ZDHHC24: variants seen among roughly 807,000 people sequenced by gnomAD.
ZDHHC24 encodes probable palmitoyltransferase ZDHHC24.
A neutral mutation model predicts 23.2 loss-of-function variants in ZDHHC24; 17 were observed. That is an observed-to-expected ratio of 0.73 (90% CI 0.50 to 1.10). ZDHHC24 has a LOEUF of 1.10. Ranked by LOEUF, ZDHHC24 falls within the 50% of genes least tolerant of loss-of-function variation. The pLI is 0.00. For synonymous variants in ZDHHC24, 186 were observed against 194.5 expected (o/e 0.96, Z 0.36); for missense variants, 366 against 393.0 (o/e 0.93, Z 0.58).
rs554414555 is a variant in ZDHHC24, at chr11:66,539,693, C to G, written c.691G>C (p.Ala231Pro). 4 of 1,611,836 alleles carry G rather than the reference C, an allele frequency of 2.5e-6. No homozygotes were observed. In the Admixed American group the frequency reaches 5.0e-5, roughly 20 times the overall value. ...AGGTCATAGGAGTGCTGGCCCCGAG[C>G]CCACTCCCATGTGGTCTGGCCCCGC... ...LLRGQTTWEW[A>P]RGQHSYDLGP... The change falls in exon 3 of 3, where the codon GCT (alanine) becomes CCT (proline). Residue 231 changes from alanine (A) to proline (P), a missense_variant. Coordinates refer to ENST00000310442, the MANE Select transcript of ZDHHC24 (RefSeq NM_207340.3).
exon 5 of ZDHHC24, chr11:66,521,427 G>A: frequency 1.4e-6 from 2 of 1,461,758 alleles, no homozygotes; most frequent in South Asian, 1.1e-5. Context: ...CAGAAAACTG[G>A]TGGCTTCAGA....
chr11:66,540,188 CAGAT>C (rs779321934), intron 2 of ZDHHC24, among the ~76,000 whole-genome samples: 3 of 152,048 alleles, frequency 2.0e-5, no homozygotes, highest in Non-Finnish European at 2.9e-5. Context: ...GGGGGCGAAG[CAGAT>C]AGATCACCTG....
downstream of ZDHHC24, among the ~76,000 whole-genome samples, chr11:66,534,635 C>CA (rs1163464476): frequency 8.6e-5 from 13 of 151,178 alleles, no homozygotes; most frequent in East Asian, 5.8e-4. Flanking sequence ...CTGTCCCTAC[C>CA]AAAAAAAATA....
chr11:66,532,541 G>C (rs1856830564), downstream of ZDHHC24: 1 of 161,954 alleles, frequency 6.2e-6, no homozygotes, highest in Admixed American at 5.7e-5. Context: ...CTCAGCTTGC[G>C]GGCAAAATAC....
Position 66,539,593 on chromosome 11 carries a change from G to A in ZDHHC24, c.791C>T (p.Ser264Phe). ...GGTGATCCCATCCCCAGGCAATGGG[G>A]AGGCCAGGAAGGGCCAGAGCCAGAC... ...ALVWLWPFLA[S>F]PLPGDGITFQ... The change falls in exon 3 of 3, where the codon TCC becomes TTC. Residue 264 changes from serine to phenylalanine, a missense_variant. By Grantham distance (155) the Ser-to-Phe change is radical. Transcript: ENST00000310442. 12 of 1,611,888 alleles carry A rather than the reference G, an allele frequency of 7.4e-6. No homozygotes were observed. Among genetic ancestry groups the A allele is most frequent in the African/African-American group, 5.3e-5 (4 of 75,006 alleles).
Position 66,539,803 on chromosome 11 carries a change from A to G in ZDHHC24, c.581T>C (p.Phe194Ser), listed in dbSNP as rs1857095928. Reference sequence around the variant, plus strand: ...CGTGTCCGTCACGAAGGCCAAGGCAAACTGTGCCAGAGACACTCTGCCTGC... The same window carrying G: ...CGTGTCCGTCACGAAGGCCAAGGCAGACTGTGCCAGAGACACTCTGCCTGC... The part of the protein sequence containing the change: ...LLTGRVSLAQ[F>S]ALAFVTDTCV... Residue 194 changes from phenylalanine to serine, a missense_variant, in exon 3 of 3, where the codon TTT (phenylalanine) becomes TCT (serine). Coordinates refer to ENST00000310442, the MANE Select transcript of ZDHHC24 (RefSeq NM_207340.3). The G allele has an allele frequency of 6.2e-7, 1 of 1,609,266 alleles. No individual in the cohort carries two copies.
At chr11:66,543,594 G>A in intron 2 of ZDHHC24, 110 bp downstream of exon 2, 1 of 1,374,332 alleles carries the variant, frequency 7.3e-7, no homozygotes, top group Non-Finnish European at 9.7e-7. Context: ...CACTGACACT[G>A]GGGCTGGGTC....
chr11:66,526,714 G>T lies in ZDHHC24; in HGVS notation c.*21+222C>A, dbSNP rs202201758. The T allele has an allele frequency of 4.2e-5, 67 of 1,614,016 alleles. No homozygotes were observed. The highest frequency in any genetic ancestry group is 5.6e-5 in the Non-Finnish European group (66 of 1,180,038). On this transcript the variant is annotated intron_variant, in intron 4 of 4. Transcript: ENST00000526986. ...GTTTGTAGAGGGAGGAAGTGAGGTG[G>T]GTCCCCCACCAGCCCAGGCCATGAA...
intron 4 of ZDHHC24, chr11:66,523,166 T>C: frequency 1.8e-6 from 1 of 547,818 alleles, no homozygotes; most frequent in Non-Finnish European, 3.5e-6. Flanking sequence ...CTCTGTTAAA[T>C]GCTAGATGAT....
In ZDHHC24 at chr11:66,539,755, C is replaced by T. The variant is rs201397847; in HGVS notation, c.629G>A (p.Cys210Tyr). The T allele has an allele frequency of 2.4e-5, 39 of 1,612,906 alleles. No homozygotes were observed. The highest frequency in any genetic ancestry group is 3.1e-5 in the Non-Finnish European group (37 of 1,179,666). The change falls in exon 3 of 3, where the codon TGC becomes TAC. Residue 210 changes from cysteine to tyrosine, a missense_variant. By Grantham distance (194) the Cys-to-Tyr change is radical. Transcript: ENST00000310442. ...TDTCVAGALL[C>Y]GAGLLFHGML... ...CCCATGGAAGAGCAGCCCAGCCCCG[C>T]ACAGCAGCGCACCCGCCACGCACGT...
chr11:66,521,099 T>C, exon 5 of ZDHHC24: 1 of 673,038 alleles, frequency 1.5e-6, no homozygotes. Context: ...TAAAAGGCTT[T>C]TGCTAAATGT....
rs183904222 is a variant in ZDHHC24, at chr11:66,545,619, A to C, written c.281+104T>G. 2 of 1,296,994 alleles carry C rather than the reference A, an allele frequency of 1.5e-6. No homozygotes were observed. The highest frequency in any genetic ancestry group is 1.6e-5 in the South Asian group (1 of 61,098). The allele number at this position is 1,296,994 out of a possible 1,614,324, so 80.3% of individuals were successfully genotyped here. A position where few individuals can be genotyped will look rare whatever the true frequency, so the allele number is the denominator to read the frequency against. On this transcript the variant is annotated intron_variant, in intron 1 of 2. Coordinates refer to ENST00000310442, the MANE Select transcript of ZDHHC24 (RefSeq NM_207340.3). The surrounding 1 kb of genome is among the most constrained non-coding windows in gnomAD (Gnocchi z 4.5). Reference sequence around the variant, plus strand: ...TCTAAAAAAATGTCTGATTCTAACAACCTGGATCCTAATGTAACCCGGTTC... The same window carrying C: ...TCTAAAAAAATGTCTGATTCTAACACCCTGGATCCTAATGTAACCCGGTTC...
chr11:66,543,723 G>C lies in ZDHHC24; in HGVS notation c.540C>G (p.Pro180=). ...CCCCACCTGTGAGCAACATGAGCCA[G>C]GGAAGCAGGAGGAGGGCAGCCATGT... ...PLHMAALLLL[P]WLMLLTGRVS... Residue 180 remains proline, a synonymous_variant, in exon 2 of 3, where the codon CCC becomes CCG. Coordinates refer to ENST00000310442, the MANE Select transcript of ZDHHC24 (RefSeq NM_207340.3). 2 of 1,593,428 alleles carry C rather than the reference G, an allele frequency of 1.3e-6. No homozygotes were observed. Among genetic ancestry groups the C allele is most frequent in the Non-Finnish European group, 1.7e-6 (2 of 1,170,292 alleles).
At chr11:66,540,319 T>TG (rs572822649) in intron 2 of ZDHHC24, among the ~76,000 whole-genome samples, 10 of 144,350 alleles carry the variant, frequency 6.9e-5, no homozygotes, top group African/African-American at 2.3e-4. Context: ...CTCAGGAGGC[T>TG]GGGGGGCTCA....
exon 5 of ZDHHC24, chr11:66,521,259 C>A: frequency 6.2e-7 from 1 of 1,610,758 alleles, no homozygotes; most frequent in East Asian, 2.2e-5. Context: ...GTTTGCGCTT[C>A]TTGTTTGCAG....
chr11:66,524,919 G>C (rs1322578153), intron 4 of ZDHHC24, among the ~76,000 whole-genome samples: 1 of 152,004 alleles, frequency 6.6e-6, no homozygotes, highest in Non-Finnish European at 1.5e-5. Flanking sequence ...GCCGGGTATG[G>C]GCCGGGCACG....
rs980258984 is a variant in ZDHHC24, at chr11:66,535,731, A to G, written c.*3798T>C. Among the ~76,000 whole-genome samples, 2 of 152,190 alleles carry G rather than the reference A, an allele frequency of 1.3e-5. No individual in the cohort carries two copies. Among genetic ancestry groups the G allele is most frequent in the Non-Finnish European group, 2.9e-5 (2 of 68,042 alleles). ...TTACACAGGTGCTGATTTTATCCAG[A>G]CTGATCTATAGATTCAGCTGGGTTC... is the stretch of plus-strand genomic sequence containing the variant. On this transcript the variant is annotated 3_prime_UTR_variant, in exon 3 of 3. Coordinates refer to ENST00000310442, the MANE Select transcript of ZDHHC24 (RefSeq NM_207340.3).
chr11:66,531,622 G>A (rs1227110340), downstream of ZDHHC24: 4 of 1,613,906 alleles, frequency 2.5e-6, no homozygotes, highest in South Asian at 2.2e-5. Flanking sequence ...TGGCACGAGG[G>A]CTGGTTTCCT....
At chr11:66,540,504 T>A (rs895570561) in intron 2 of ZDHHC24, among the ~76,000 whole-genome samples, 1 of 131,622 alleles carries the variant, frequency 7.6e-6, no homozygotes, top group Non-Finnish European at 1.6e-5. Flanking sequence ...CCGAGGCGGG[T>A]GGATCACGAG....
Sources: allele counts gnomAD v4.1 joint callset (sites outside exome capture counted in the v4.1 genomes callset), GRCh38; gene constraint gnomAD v4.1.1; non-coding constraint Gnocchi (gnomAD v3.1); transcripts MANE v1.5; gene names NCBI Gene and HGNC (gene_info 2026-07-23, HGNC 2026-07-21).